NEDD4L: variants seen among roughly 807,000 people sequenced by gnomAD.
NEDD4L encodes the protein NEDD4 like E3 ubiquitin protein ligase.
NEDD4L carries 54 observed loss-of-function variants against 148.9 expected under a neutral mutation model. The ratio of observed to expected loss-of-function variants is 0.36; its 90% CI spans 0.29 to 0.45. NEDD4L has a LOEUF of 0.45. Ranked by LOEUF, NEDD4L falls within the 20% of genes least tolerant of loss-of-function variation. The pLI, the probability that NEDD4L is intolerant of heterozygous loss-of-function variation, is 1.00. For missense variants in NEDD4L, 856 were observed against 1,233.8 expected, an observed-to-expected ratio of 0.69 and a Z score of 4.59; for synonymous variants, 433 against 440.7, an observed-to-expected ratio of 0.98 and a Z score of 0.22.
intron 2 of NEDD4L, among the ~76,000 whole-genome samples, chr18:58,214,462 T>C (rs2042927567): frequency 1.3e-5 from 2 of 152,136 alleles, no homozygotes; most frequent in South Asian, 2.1e-4. Flanking sequence ...CAAGCCTTAG[T>C]GGGATCATCT....
At chr18:58,195,242 A>T in intron 2 of NEDD4L, 1 of 389,394 alleles carries the variant, frequency 2.6e-6, no homozygotes, top group Non-Finnish European at 4.7e-6. Flanking sequence ...CACACGTCTC[A>T]TGGCAAGTTG....
chr18:58,269,882 A>C (rs532990604), intron 5 of NEDD4L, among the ~76,000 whole-genome samples: 15 of 149,732 alleles, frequency 1.0e-4, no homozygotes, highest in African/African-American at 3.6e-4. Context: ...CCACAAAATA[A>C]ACTTGCATTC....
chr18:58,099,348 T>A (rs1041738663), intron 1 of NEDD4L, among the ~76,000 whole-genome samples: 1 of 152,224 alleles, frequency 6.6e-6, no homozygotes, highest in African/African-American at 2.4e-5. Flanking sequence ...ATTTTCCTTA[T>A]AGCATCTAGG....
chr18:58,285,383 C>T (rs751824537), intron 5 of NEDD4L, among the ~76,000 whole-genome samples: 1 of 152,032 alleles, frequency 6.6e-6, no homozygotes, highest in Non-Finnish European at 1.5e-5. Context: ...GGCTGGAGTG[C>T]AGTGGTGTGA....
intron 2 of NEDD4L, among the ~76,000 whole-genome samples, chr18:58,192,406 C>G (rs988595566): frequency 2.4e-4 from 36 of 152,244 alleles, no homozygotes; most frequent in African/African-American, 8.4e-4. Flanking sequence ...TTCCTTTTGC[C>G]TGTCTTGTGA....
At chr18:58,105,962 GA>G (rs1820628883) in intron 1 of NEDD4L, among the ~76,000 whole-genome samples, 1 of 152,148 alleles carries the variant, frequency 6.6e-6, no homozygotes, top group Non-Finnish European at 1.5e-5. Context: ...AAATTGTTAT[GA>G]AAAAAGAAAC....
At chr18:58,082,824 C>T (rs1355446974) in intron 1 of NEDD4L, among the ~76,000 whole-genome samples, 1 of 149,664 alleles carries the variant, frequency 6.7e-6, no homozygotes, top group East Asian at 2.0e-4. Flanking sequence ...AAATATTGTA[C>T]ATGATTGCAA....
chr18:58,234,424 C>T (rs2045759410), intron 2 of NEDD4L, among the ~76,000 whole-genome samples: 1 of 151,088 alleles, frequency 6.6e-6, no homozygotes, highest in South Asian at 2.1e-4. Flanking sequence ...CTCAGCCTCC[C>T]TGGCCTAAGC....
rs989383241 is a variant in NEDD4L, at chr18:58,341,729, A to G, written c.1309A>G (p.Ile437Val). 13 of 1,613,720 alleles carry G rather than the reference A, an allele frequency of 8.1e-6. No homozygotes were observed. Among genetic ancestry groups the G allele is most frequent in the Non-Finnish European group, 1.1e-5 (13 of 1,179,872 alleles). Reference protein sequence around the residue: ...GSATNSNNHLIEPQIRRPRSL... With the variant: ...GSATNSNNHLVEPQIRRPRSL... ...AGCCACAAACAGTAACAACCATCTA[A>G]TCGAGCCTCAGATCCGCCGGCCTCG... The change falls in exon 15 of 31, where the codon ATC (isoleucine) becomes GTC (valine). Residue 437 changes from isoleucine (I) to valine (V), a missense_variant. Ile to Val is a conservative substitution (Grantham distance 29). Around this residue, in one of 4 missense-constraint regions of NEDD4L, gnomAD observed 367 missense variants for 422.7 expected, o/e 0.87. Transcript: ENST00000400345.
intron 2 of NEDD4L, among the ~76,000 whole-genome samples, chr18:58,190,911 G>A (rs1318019459): frequency 1.3e-5 from 2 of 152,160 alleles, no homozygotes; most frequent in African/African-American, 4.8e-5. Context: ...AGACCATCCT[G>A]AACATAGCGA....
Position 58,229,979 on chromosome 18 carries a change from ACT to A in NEDD4L, c.123-15445_123-15444del, listed in dbSNP as rs542677152. Among the ~76,000 whole-genome samples the A allele has an allele frequency of 6.0e-3, 919 of 152,228 alleles. 3 individuals are homozygous for A. Among genetic ancestry groups the A allele is most frequent in the Non-Finnish European group, 9.1e-3 (617 of 68,008 alleles). On this transcript the variant is annotated intron_variant, in intron 2 of 30. Coordinates refer to ENST00000400345, the MANE Select transcript of NEDD4L (RefSeq NM_001144967.3). ...ATTCCAGCCTGGGCGACAGAGTGAG[ACT>A]CTGTCTCAAAAAAACAAAACAAACA... is the stretch of plus-strand genomic sequence containing the variant.
intron 6 of NEDD4L, among the ~76,000 whole-genome samples, chr18:58,319,234 A>T (rs1252866266): frequency 6.6e-6 from 1 of 152,166 alleles, no homozygotes; most frequent in African/African-American, 2.4e-5. Context: ...GCCCAGCAAT[A>T]AGCAGGTCAT....
At chr18:58,189,486 T>A (rs1309680478) in intron 2 of NEDD4L, among the ~76,000 whole-genome samples, 1 of 152,224 alleles carries the variant, frequency 6.6e-6, no homozygotes, top group Non-Finnish European at 1.5e-5. Flanking sequence ...TAGACTGTTG[T>A]GAGTTTTGGG....
At chr18:58,062,186 T>C (rs1245226908) in intron 1 of NEDD4L, among the ~76,000 whole-genome samples, 2 of 152,200 alleles carry the variant, frequency 1.3e-5, no homozygotes, top group African/African-American at 4.8e-5. Context: ...GAAGTCTTTG[T>C]GTCGGTCCCA....
intron 1 of NEDD4L, among the ~76,000 whole-genome samples, chr18:58,110,296 C>T (rs1215945474): frequency 1.3e-5 from 2 of 152,218 alleles, no homozygotes; most frequent in African/African-American, 4.8e-5. Context: ...AGAATGCCAG[C>T]TCCTCTTTAA....
At chr18:58,199,172 A>G (rs2041102016) in intron 2 of NEDD4L, among the ~76,000 whole-genome samples, 1 of 152,234 alleles carries the variant, frequency 6.6e-6, no homozygotes, top group Non-Finnish European at 1.5e-5. Context: ...AAATCTAATT[A>G]AACAACTAAT....
rs1405294118 is a variant in NEDD4L, at chr18:58,074,192, A to G, written c.48+29484A>G. Reference sequence around the variant, plus strand: ...AGTTTCCATTGATGGCAGACCTATCAGATGTTTCCTCCCATTCTCACTACT... The same window carrying G: ...AGTTTCCATTGATGGCAGACCTATCGGATGTTTCCTCCCATTCTCACTACT... On this transcript the variant is annotated intron_variant, in intron 1 of 30. Transcript: ENST00000400345. 3.9e-5 allele frequency among the ~76,000 whole-genome samples: 6 copies of G among 152,178 alleles called. No individual in the cohort carries two copies. In the South Asian group the frequency reaches 6.2e-4, roughly 16 times the overall value.
chr18:58,067,952 G>T (rs1390037778), intron 1 of NEDD4L, among the ~76,000 whole-genome samples: 2 of 152,052 alleles, frequency 1.3e-5, no homozygotes, highest in African/African-American at 2.4e-5. Context: ...TTGGGAGAAG[G>T]GGTACAGATT....
chr18:58,393,713 T>A (rs926437108), intron 30 of NEDD4L, among the ~76,000 whole-genome samples: 7 of 152,234 alleles, frequency 4.6e-5, no homozygotes, highest in African/African-American at 1.7e-4. Flanking sequence ...ACTGGCTGTT[T>A]CGTGGCAACA....
Sources: gnomAD v4.1 joint callset for allele counts (sites outside exome capture counted in the v4.1 genomes callset) on GRCh38, gnomAD v4.1.1 for gene constraint, gnomAD v4.1.1 regional missense constraint, MANE v1.5 for transcripts, NCBI Gene and HGNC (gene_info 2026-07-23, HGNC 2026-07-21) for gene names.